UBE2H: variants seen among roughly 807,000 people sequenced by gnomAD.
UBE2H encodes ubiquitin conjugating enzyme E2 H.
A neutral mutation model predicts 29.0 loss-of-function variants in UBE2H; 3 were observed. The ratio of observed to expected loss-of-function variants is 0.10; its 90% confidence interval spans 0.05 to 0.27. The LOEUF is 0.27. Ranked by LOEUF, UBE2H falls within the 10% of genes least tolerant of loss-of-function variation. The pLI, the probability that UBE2H is intolerant of heterozygous loss-of-function variation, is 1.00. For missense variants in UBE2H, 68 were observed against 228.2 expected (o/e 0.30, Z 4.52); for synonymous variants, 69 against 82.9 (o/e 0.83, Z 0.91).
At chr7:129,910,593 A>C (rs1563043154) in intron 1 of UBE2H, among the ~76,000 whole-genome samples, 1 of 152,136 alleles carries the variant, frequency 6.6e-6, no homozygotes, top group Non-Finnish European at 1.5e-5. Flanking sequence ...GAAGTAGCAT[A>C]ATCAGATGTA....
intron 1 of UBE2H, among the ~76,000 whole-genome samples, chr7:129,928,654 A>T (rs908785945): frequency 1.3e-5 from 2 of 152,238 alleles, no homozygotes; most frequent in Non-Finnish European, 2.9e-5. Context: ...AAATAACTAG[A>T]AGAGTGGATT....
chr7:129,894,912 T>C lies in UBE2H; in HGVS notation c.54-13941A>G, dbSNP rs548515682. ...AGCATTCAGTTTAAAATCTGCAAAC[T>C]TGGACTGAACCGCAGAGAATAAAGT... is the stretch of plus-strand genomic sequence containing the variant. On this transcript the variant is annotated intron_variant, in intron 1 of 6. Transcript: ENST00000355621. Among the ~76,000 whole-genome samples, 16 of 152,248 alleles carry C rather than the reference T, an allele frequency of 1.1e-4. No individual in the cohort carries two copies. In the South Asian group the frequency reaches 3.1e-3, roughly 30 times the overall value.
At chr7:129,873,798 A>T (rs1461622158) in intron 3 of UBE2H, among the ~76,000 whole-genome samples, 1 of 152,052 alleles carries the variant, frequency 6.6e-6, no homozygotes, top group Admixed American at 6.6e-5. Flanking sequence ...TTCTACCAAC[A>T]TTCAGCAAAC....
intron 5 of UBE2H, among the ~76,000 whole-genome samples, chr7:129,847,047 T>C (rs1251156556): frequency 6.6e-6 from 1 of 151,064 alleles, no homozygotes; most frequent in Non-Finnish European, 1.5e-5. Flanking sequence ...TGAGACGGAG[T>C]CTCGCTCTAT....
chr7:129,835,483 G>A (rs2727500), intron 6 of UBE2H, among the ~76,000 whole-genome samples: 86,508 of 151,892 alleles, frequency 0.57, 25,204 homozygotes, highest in Middle Eastern at 0.69. Flanking sequence ...ACATAATTAC[G>A]GTCAGTCCAG....
chr7:129,864,558 T>TTC (rs1805863834), intron 3 of UBE2H, among the ~76,000 whole-genome samples: 1 of 144,796 alleles, frequency 6.9e-6, no homozygotes, highest in African/African-American at 2.5e-5. Flanking sequence ...TTTTCTTTCT[T>TTC]TTTTTTTTTT....
At chr7:129,942,212 CAAAAAAAAAAA>C (rs966117564) in intron 1 of UBE2H, among the ~76,000 whole-genome samples, 3 of 36,750 alleles carry the variant, frequency 8.2e-5, no homozygotes, top group African/African-American at 2.4e-4. Flanking sequence ...GACTCGGTCT[CAAAAAAAAAAA>C]AAAAAAAAAA....
At chr7:129,841,824 T>C (rs1417200029) in intron 5 of UBE2H, among the ~76,000 whole-genome samples, 1 of 152,136 alleles carries the variant, frequency 6.6e-6, no homozygotes, top group African/African-American at 2.4e-5. Flanking sequence ...ACACTCCTAA[T>C]CAAAAAAGCA....
At chr7:129,950,692 A>ACT (rs1242041249) in intron 1 of UBE2H, among the ~76,000 whole-genome samples, 1 of 152,168 alleles carries the variant, frequency 6.6e-6, no homozygotes, top group South Asian at 2.1e-4. Flanking sequence ...TGTGACAGTA[A>ACT]CTCTCAATTC....
intron 1 of UBE2H, among the ~76,000 whole-genome samples, chr7:129,882,704 C>T (rs976018562): frequency 6.6e-6 from 1 of 152,168 alleles, no homozygotes. Context: ...ACATGCATGC[C>T]TACTCTGACC....
intron 1 of UBE2H, among the ~76,000 whole-genome samples, chr7:129,902,217 G>A (rs997172842): frequency 6.6e-6 from 1 of 152,042 alleles, no homozygotes; most frequent in African/African-American, 2.4e-5. Flanking sequence ...ACCATTACAT[G>A]GCCGGGCACG....
intron 3 of UBE2H, among the ~76,000 whole-genome samples, chr7:129,878,741 A>C (rs188184502): frequency 6.6e-6 from 1 of 150,728 alleles, no homozygotes; most frequent in Non-Finnish European, 1.5e-5. Context: ...AACTCTGGCA[A>C]TTCTGAACAT....
chr7:129,944,715 AACACACACACACACAC>A lies in UBE2H; in HGVS notation c.53+7772_53+7787del, dbSNP rs57825154. Among the ~76,000 whole-genome samples the A allele has an allele frequency of 0.012, 1,796 of 144,050 alleles. 75 individuals carry two copies. In the East Asian group the frequency reaches 0.13, roughly 10 times the overall value. The allele number at this position is 144,050 out of a possible 152,430, so 94.5% of individuals were successfully genotyped here. ...AACACACACGTGCGCATGCGCTCAA[AACACACACACACACAC>A]ACACACACACACACACACACGCACG... On this transcript the variant is annotated intron_variant, in intron 1 of 6. Coordinates refer to ENST00000355621, the MANE Select transcript of UBE2H (RefSeq NM_003344.4).
chr7:129,935,683 C>T (rs1009834102), intron 1 of UBE2H, among the ~76,000 whole-genome samples: 6 of 152,050 alleles, frequency 3.9e-5, no homozygotes, highest in Non-Finnish European at 7.4e-5. Flanking sequence ...TTTTTCTTTA[C>T]GAATCTTATA....
chr7:129,929,147 C>T (rs955615470), intron 1 of UBE2H, among the ~76,000 whole-genome samples: 20 of 151,902 alleles, frequency 1.3e-4, no homozygotes, highest in African/African-American at 3.6e-4. Flanking sequence ...GGAGAAACCC[C>T]GTCTCTACTA....
chr7:129,924,889 C>A (rs544796476), intron 1 of UBE2H, among the ~76,000 whole-genome samples: 1 of 151,982 alleles, frequency 6.6e-6, no homozygotes, highest in African/African-American at 2.4e-5. Context: ...CCTTCAACCA[C>A]CGCTGAACTC....
At chr7:129,905,993 C>T (rs1806807879) in intron 1 of UBE2H, among the ~76,000 whole-genome samples, 1 of 151,918 alleles carries the variant, frequency 6.6e-6, no homozygotes. Context: ...ACAGATGTTC[C>T]ATTTAGGACA....
chr7:129,854,021 T>C (rs1033458093), intron 5 of UBE2H, among the ~76,000 whole-genome samples: 1 of 152,012 alleles, frequency 6.6e-6, no homozygotes, highest in Non-Finnish European at 1.5e-5. Context: ...AATATTTATG[T>C]TGACACGCCA....
intron 5 of UBE2H, among the ~76,000 whole-genome samples, chr7:129,850,833 G>A (rs886989466): frequency 2.8e-5 from 4 of 143,586 alleles, no homozygotes; most frequent in Non-Finnish European, 3.0e-5. Flanking sequence ...AAGAGAGAGA[G>A]AGAGAAAGAG....
Sources: gnomAD v4.1 joint callset for allele counts (sites outside exome capture counted in the v4.1 genomes callset) on GRCh38, gnomAD v4.1.1 for gene constraint, MANE v1.5 for transcripts, NCBI Gene and HGNC (gene_info 2026-07-23, HGNC 2026-07-21) for gene names.